Variants in TMEM132C observed in about 807,000 individuals in gnomAD.
TMEM132C encodes protein phosphatase 1, regulatory subunit 152.
In TMEM132C, 29 loss-of-function variants were observed where a neutral mutation model predicts 61.4. The observed-to-expected ratio is 0.47, with a 90% CI of 0.35 to 0.64. The LOEUF (loss-of-function observed/expected upper bound fraction) is 0.64. Ranked by LOEUF, TMEM132C falls within the 30% of genes least tolerant of loss-of-function variation. TMEM132C has a pLI of 0.00. For synonymous variants in TMEM132C, 656 were observed against 633.1 expected (o/e 1.04, Z -0.54); for missense variants, 1,408 against 1,476.9 (o/e 0.95, Z 0.76).
chr12:128,583,476 G>T (rs373553397), intron 3 of TMEM132C, among the ~76,000 whole-genome samples: 1 of 151,984 alleles, frequency 6.6e-6, no homozygotes, highest in Non-Finnish European at 1.5e-5. Context: ...AGAGTTCTCC[G>T]CCTACAGCAA....
At chr12:128,623,256 A>G (rs1002192891) in intron 4 of TMEM132C, among the ~76,000 whole-genome samples, 15 of 152,142 alleles carry the variant, frequency 9.9e-5, no homozygotes, top group African/African-American at 3.6e-4. Flanking sequence ...CAGTAAAAGG[A>G]AAGTGGGGGA....
chr12:128,423,807 G>A (rs973980368), intron 2 of TMEM132C, among the ~76,000 whole-genome samples: 4 of 151,920 alleles, frequency 2.6e-5, no homozygotes, highest in Non-Finnish European at 5.9e-5. Flanking sequence ...GCTGAGGCGG[G>A]CGGATCATGA....
chr12:128,552,326 C>A (rs1464260277), intron 3 of TMEM132C, among the ~76,000 whole-genome samples: 1 of 152,166 alleles, frequency 6.6e-6, no homozygotes, highest in Non-Finnish European at 1.5e-5. Flanking sequence ...TGCTTGACAG[C>A]ACACAGAATA....
At chr12:128,665,085 AC>A (rs1386098789) in intron 4 of TMEM132C, among the ~76,000 whole-genome samples, 2 of 151,264 alleles carry the variant, frequency 1.3e-5, no homozygotes, top group Non-Finnish European at 2.9e-5. Context: ...AAACACAGGC[AC>A]TCACACATAC....
At chr12:128,460,878 A>G (rs947440155) in intron 2 of TMEM132C, among the ~76,000 whole-genome samples, 1 of 152,020 alleles carries the variant, frequency 6.6e-6, no homozygotes, top group Admixed American at 6.6e-5. Context: ...TAGAGACCTT[A>G]CCAAGAAAAA....
At chr12:128,295,587 C>A (rs2672572) in intron 1 of TMEM132C, among the ~76,000 whole-genome samples, 33,974 of 150,038 alleles carry the variant, frequency 0.23, 4,433 homozygotes, top group East Asian at 0.5. Context: ...ATTCCTTACC[C>A]GACTTCTTAG....
intron 2 of TMEM132C, among the ~76,000 whole-genome samples, chr12:128,461,244 C>A (rs1466014799): frequency 6.6e-6 from 1 of 152,056 alleles, no homozygotes; most frequent in South Asian, 2.1e-4. Flanking sequence ...CATCAGGTGC[C>A]GCAGGAGTCC....
At position 128,653,386 on chromosome 12, in the gene TMEM132C, G is replaced by T. The variant is rs577073077; in HGVS notation, c.1306-16031G>T. 1.1e-4 allele frequency among the ~76,000 whole-genome samples: 17 copies of T among 152,290 alleles called. No homozygotes were observed. In the South Asian group the frequency reaches 3.3e-3, roughly 30 times the overall value. On this transcript the variant is annotated intron_variant, in intron 4 of 8. Coordinates refer to ENST00000435159, the MANE Select transcript of TMEM132C (RefSeq NM_001136103.3). The stretch of plus-strand genomic sequence containing the variant: ...TTAGTATGCTTTAAATGTGTGCATC[G>T]TATGGTGTTTGAACTAAATCTCAAT...
At chr12:128,317,778 G>T (rs1304501944) in intron 1 of TMEM132C, among the ~76,000 whole-genome samples, 2 of 152,186 alleles carry the variant, frequency 1.3e-5, no homozygotes, top group Non-Finnish European at 2.9e-5. Flanking sequence ...CTAGCTACTA[G>T]GGAGGCTGAG....
intron 3 of TMEM132C, among the ~76,000 whole-genome samples, chr12:128,614,230 G>C (rs576949200): frequency 5.8e-4 from 88 of 152,310 alleles, no homozygotes; most frequent in African/African-American, 2.1e-3. Flanking sequence ...ACTGGCAAAA[G>C]TTTTCTGTAA....
At chr12:128,534,403 C>T (rs2136139033) in intron 2 of TMEM132C, among the ~76,000 whole-genome samples, 1 of 152,316 alleles carries the variant, frequency 6.6e-6, no homozygotes, top group East Asian at 1.9e-4. Flanking sequence ...GTGCTCCATG[C>T]TACATGGGAA....
chr12:128,437,686 G>A (rs1183923607), intron 2 of TMEM132C: 1 of 152,228 alleles, frequency 6.6e-6, no homozygotes, highest in Non-Finnish European at 1.5e-5. Flanking sequence ...TAGCAGAAGG[G>A]AAAGGGAGGT....
chr12:128,460,376 C>T (rs551924534), intron 2 of TMEM132C, among the ~76,000 whole-genome samples: 40 of 152,300 alleles, frequency 2.6e-4, no homozygotes, highest in African/African-American at 9.1e-4. Flanking sequence ...TGGCCACCAG[C>T]AAATCCAGAC....
At chr12:128,372,581 CTTA>C (rs1423909714) in intron 1 of TMEM132C, among the ~76,000 whole-genome samples, 1 of 152,048 alleles carries the variant, frequency 6.6e-6, no homozygotes, top group Non-Finnish European at 1.5e-5. Flanking sequence ...CATTTGAATG[CTTA>C]TTAATTACTC....
chr12:128,590,651 G>A (rs1393478342), intron 3 of TMEM132C, among the ~76,000 whole-genome samples: 1 of 152,156 alleles, frequency 6.6e-6, no homozygotes, highest in Non-Finnish European at 1.5e-5. Flanking sequence ...GGAGAATGGT[G>A]TTGAGTCACA....
intron 2 of TMEM132C, among the ~76,000 whole-genome samples, chr12:128,440,783 T>C (rs886932984): frequency 1.8e-4 from 27 of 152,184 alleles, no homozygotes; most frequent in African/African-American, 6.3e-4. Flanking sequence ...GCACGTTGGC[T>C]CACACCTGTA....
chr12:128,550,239 C>T (rs551450748), intron 3 of TMEM132C, among the ~76,000 whole-genome samples: 11 of 152,026 alleles, frequency 7.2e-5, no homozygotes, highest in East Asian at 3.9e-4. Flanking sequence ...GCCACCCTCT[C>T]GGCATCTTGT....
At chr12:128,493,172 T>G (rs1420645651) in intron 2 of TMEM132C, among the ~76,000 whole-genome samples, 1 of 152,212 alleles carries the variant, frequency 6.6e-6, no homozygotes, top group African/African-American at 2.4e-5. Context: ...ATGTGTAGTA[T>G]TATTTCTGAG....
chr12:128,515,816 C>T (rs111246904), intron 2 of TMEM132C, among the ~76,000 whole-genome samples: 1,975 of 148,596 alleles, frequency 0.013, 42 homozygotes, highest in African/African-American at 0.046. Context: ...GCGTGGACGA[C>T]AGAGCGAGAC....
Sources: gnomAD v4.1 joint callset for allele counts (sites outside exome capture counted in the v4.1 genomes callset) on GRCh38, gnomAD v4.1.1 for gene constraint, MANE v1.5 for transcripts, NCBI Gene and HGNC (gene_info 2026-07-23, HGNC 2026-07-21) for gene names.